Variants in ARMH4 observed in about 807,000 individuals in gnomAD.
ARMH4 encodes armadillo-like helical domain-containing protein 4.
ARMH4 carries 49 observed loss-of-function variants against 61.9 expected under a neutral mutation model. The observed-to-expected ratio is 0.79, with a 90% CI of 0.63 to 1.00. The LOEUF (loss-of-function observed/expected upper bound fraction) is 1.00, where lower values mean the gene tolerates loss of function less well. ARMH4 is among the 50% of genes least tolerant of loss of function. The pLI is 0.00. For synonymous variants in ARMH4, 368 were observed against 341.5 expected, an observed-to-expected ratio of 1.08 and a Z score of -0.85; for missense variants, 934 against 930.0, an observed-to-expected ratio of 1.00 and a Z score of -0.06.
At chr14:58,094,784 T>G (rs1402978987) in intron 5 of ARMH4, among the ~76,000 whole-genome samples, 1 of 152,188 alleles carries the variant, frequency 6.6e-6, no homozygotes, top group African/African-American at 2.4e-5. Context: ...GGTTGAGGAC[T>G]GGAGGAGGGA....
intron 1 of ARMH4, among the ~76,000 whole-genome samples, chr14:58,149,929 G>A (rs191998183): frequency 6.6e-6 from 1 of 152,340 alleles, no homozygotes; most frequent in East Asian, 1.9e-4. Flanking sequence ...TGGAGCATCT[G>A]TAACATCAGC....
intron 4 of ARMH4, among the ~76,000 whole-genome samples, chr14:58,110,776 CAA>C (rs1886329762): frequency 6.6e-6 from 1 of 152,004 alleles, no homozygotes; most frequent in Non-Finnish European, 1.5e-5. Context: ...GGCTGGAGTG[CAA>C]TGGTGCCATC....
intron 5 of ARMH4, among the ~76,000 whole-genome samples, chr14:58,080,131 AT>A (rs1204714972): frequency 2.8e-3 from 425 of 149,536 alleles, no homozygotes; most frequent in African/African-American, 7.6e-3. Context: ...ATATATATAT[AT>A]AAAATTTTTT....
intron 1 of ARMH4, among the ~76,000 whole-genome samples, chr14:58,140,674 G>A (rs1887512812): frequency 6.6e-6 from 1 of 152,002 alleles, no homozygotes; most frequent in African/African-American, 2.4e-5. Context: ...ACCAAGGCGG[G>A]CGGATCACCT....
At chr14:58,112,449 A>T (rs1043259484) in intron 4 of ARMH4, among the ~76,000 whole-genome samples, 1 of 152,028 alleles carries the variant, frequency 6.6e-6, no homozygotes, top group Non-Finnish European at 1.5e-5. Flanking sequence ...CTTATCACTC[A>T]ATAAGAAGGG....
chr14:58,051,967 T>G (rs753268994), intron 5 of ARMH4, among the ~76,000 whole-genome samples: 12 of 152,106 alleles, frequency 7.9e-5, no homozygotes, highest in Non-Finnish European at 1.8e-4. Context: ...AAAAACAACT[T>G]TCAACCTCTC....
intron 3 of ARMH4, 111 bp from the exon 4 acceptor site, chr14:58,131,832 C>G (rs1887120228): frequency 9.8e-7 from 1 of 1,023,824 alleles, no homozygotes; most frequent in Non-Finnish European, 1.4e-6. Context: ...TCATACAATA[C>G]AGCAAGTTTG....
intron 5 of ARMH4, among the ~76,000 whole-genome samples, chr14:58,030,508 T>G (rs68075785): frequency 0.057 from 8,654 of 152,296 alleles, 305 homozygotes; most frequent in African/African-American, 0.088. Flanking sequence ...CATTTTCAAG[T>G]ATGTAATTCA....
chr14:58,078,660 G>A (rs1292151544), intron 5 of ARMH4, among the ~76,000 whole-genome samples: 1 of 152,222 alleles, frequency 6.6e-6, no homozygotes. Flanking sequence ...AATATTTTGG[G>A]TTTATGGATC....
chr14:58,127,324 T>A (rs1886927739), intron 4 of ARMH4, among the ~76,000 whole-genome samples: 2 of 152,262 alleles, frequency 1.3e-5, no homozygotes, highest in Middle Eastern at 6.8e-3. Flanking sequence ...TTTCCCATGC[T>A]GTTCTCATGA....
In ARMH4 at chr14:58,096,778, C is replaced by A. The variant is rs768452647; in HGVS notation, c.2035G>T (p.Ala679Ser). Reference protein sequence around the residue: ...EEGNMDLLEGATYQVPDALEW... With the variant: ...EEGNMDLLEGSTYQVPDALEW... ...AGGGCATCTGGCACCTGGTAGGTAG[C>A]TCCCTCCAACAGGTCCATGTTTCCC... The change falls in exon 5 of 8, where the codon GCT (alanine) becomes TCT (serine). Residue 679 changes from alanine to serine, a missense_variant. Coordinates refer to ENST00000267485, the MANE Select transcript of ARMH4 (RefSeq NM_001001872.4). 6.2e-7 allele frequency: 1 copy of A among 1,614,092 alleles called. No homozygotes were observed. Among genetic ancestry groups the A allele is most frequent in the South Asian group, 1.1e-5 (1 of 91,082 alleles).
intron 2 of ARMH4, among the ~76,000 whole-genome samples, chr14:58,137,028 AATGTGT>A (rs1887325313): frequency 6.6e-6 from 1 of 152,352 alleles, no homozygotes; most frequent in Non-Finnish European, 1.5e-5. Context: ...ATTTTACAAC[AATGTGT>A]ATGTAAGTAT....
intron 5 of ARMH4, among the ~76,000 whole-genome samples, chr14:58,030,442 T>A (rs1205873961): frequency 6.6e-6 from 1 of 152,172 alleles, no homozygotes; most frequent in African/African-American, 2.4e-5. Context: ...CTGTGTTGAT[T>A]TCCCAATTTT....
In ARMH4 at chr14:58,042,427, A is replaced by C. The variant is rs556290106; in HGVS notation, c.2090-30277T>G. 6.5e-3 allele frequency among the ~76,000 whole-genome samples: 993 copies of C among 152,300 alleles called. 11 individuals carry two copies. Among genetic ancestry groups the C allele is most frequent in the African/African-American group, 0.022 (907 of 41,566 alleles). ...GAGAACAAAGACACAACATACCAGA[A>C]TCTCTGGGACACATTCAAAGCAGTG... On this transcript the variant is annotated intron_variant, in intron 5 of 7. Transcript: ENST00000267485.
intron 4 of ARMH4, among the ~76,000 whole-genome samples, chr14:58,119,101 A>C (rs1345808322): frequency 6.6e-6 from 1 of 152,238 alleles, no homozygotes; most frequent in Non-Finnish European, 1.5e-5. Context: ...CTGGTAAATG[A>C]GGGCAAAATC....
intron 5 of ARMH4, among the ~76,000 whole-genome samples, chr14:58,026,371 C>T (rs982819480): frequency 2.0e-5 from 3 of 152,066 alleles, no homozygotes; most frequent in African/African-American, 4.8e-5. Flanking sequence ...ACCTAAGCAA[C>T]CTTGAAGTTT....
intron 1 of ARMH4, among the ~76,000 whole-genome samples, 169 bp downstream of exon 1, chr14:58,151,906 C>G (rs1247276740): frequency 6.6e-6 from 1 of 152,154 alleles, no homozygotes; most frequent in Admixed American, 6.5e-5. Flanking sequence ...GCACCGCGCT[C>G]CGGAGGAGGA....
At chr14:58,085,030 GCT>G (rs1885336605) in intron 5 of ARMH4, among the ~76,000 whole-genome samples, 1 of 152,176 alleles carries the variant, frequency 6.6e-6, no homozygotes, top group Non-Finnish European at 1.5e-5. Context: ...TTACTTAATT[GCT>G]CTGTTTCTGA....
intron 5 of ARMH4, among the ~76,000 whole-genome samples, chr14:58,090,460 C>T (rs1885518659): frequency 6.6e-6 from 1 of 152,108 alleles, no homozygotes; most frequent in African/African-American, 2.4e-5. Flanking sequence ...CCATTCCACC[C>T]ATCATGTGAT....
Sources: allele counts gnomAD v4.1 joint callset (sites outside exome capture counted in the v4.1 genomes callset), GRCh38; gene constraint gnomAD v4.1.1; transcripts MANE v1.5; gene names NCBI Gene and HGNC (gene_info 2026-07-23, HGNC 2026-07-21).